Variants in ADGRG6 observed in about 807,000 individuals in gnomAD.
ADGRG6 encodes G-protein coupled receptor 126.
ADGRG6 carries 84 observed loss-of-function variants against 142.4 expected under a neutral mutation model. The ratio of observed to expected loss-of-function variants is 0.59; its 90% CI spans 0.49 to 0.71. The LOEUF (loss-of-function observed/expected upper bound fraction) is 0.71, where lower values mean the gene tolerates loss of function less well. Ranked by LOEUF, ADGRG6 falls within the 30% of genes least tolerant of loss-of-function variation. ADGRG6 has a pLI of 0.00. For synonymous variants in ADGRG6, 521 were observed against 520.5 expected (o/e 1.00, Z -0.01); for missense variants, 1,367 against 1,466.6 (o/e 0.93, Z 1.11).
chr6:142,331,887 A>G lies in ADGRG6; in HGVS notation c.103+22243A>G, dbSNP rs143874941. ...AACTTTTTTGTCTAGTCATTAGGCC[A>G]TCTTTTAGTGAGATGCAAATAAATG... On this transcript the variant is annotated intron_variant, in intron 2 of 24. Coordinates refer to ENST00000367609, the MANE Select transcript of ADGRG6 (RefSeq NM_198569.3). Among the ~76,000 whole-genome samples, 5 of 152,276 alleles carry G rather than the reference A, an allele frequency of 3.3e-5. No individual in the cohort carries two copies. The East Asian group carries it at 9.7e-4, about 29-fold the overall frequency.
rs368887363 is a variant in ADGRG6 at position 142,415,028 on chromosome 6, C to T, written c.2601C>T (p.Ile867=). The change falls in exon 19 of 25, where the codon ATC becomes ATT. Residue 867 remains isoleucine (I), a synonymous_variant. Coordinates refer to ENST00000367609, the MANE Select transcript of ADGRG6 (RefSeq NM_198569.3). The stretch of plus-strand genomic sequence containing the variant: ...GAAACACTAAAGTCCTCACTTTCAT[C>T]AGCTATATTGGGTGTGGAATATCTG... ...DARNTKVLTF[I]SYIGCGISAI... 4.2e-5 allele frequency: 67 copies of T among 1,610,780 alleles called. No homozygotes were observed. In the African/African-American group the frequency reaches 8.6e-4, roughly 21 times the overall value.
At chr6:142,392,876 T>C (rs1774972302) in intron 7 of ADGRG6, 72 bp from the exon 8 acceptor site, 1 of 992,154 alleles carries the variant, frequency 1.0e-6, no homozygotes, top group South Asian at 1.4e-5. Context: ...ACTTATGTTT[T>C]AGGTAGAAAC....
chr6:142,309,365 A>G (rs953814552), intron 1 of ADGRG6, among the ~76,000 whole-genome samples, 179 bp from the exon 2 acceptor site: 14 of 151,876 alleles, frequency 9.2e-5, no homozygotes, highest in East Asian at 1.9e-4. Flanking sequence ...TTCTTTTGCT[A>G]ATTAGCTTGA....
chr6:142,397,020 G>A (rs1775231516), intron 9 of ADGRG6, among the ~76,000 whole-genome samples: 1 of 152,048 alleles, frequency 6.6e-6, no homozygotes, highest in Non-Finnish European at 1.5e-5. Flanking sequence ...ACCAATCACA[G>A]AGTCGATTTT....
chr6:142,354,239 C>T (rs186784996), intron 2 of ADGRG6, among the ~76,000 whole-genome samples: 16 of 152,130 alleles, frequency 1.1e-4, no homozygotes, highest in Admixed American at 7.2e-4. Context: ...ATTAGCTGGG[C>T]GTGGTGGCAC....
At chr6:142,336,284 A>G (rs1180506643) in intron 2 of ADGRG6, among the ~76,000 whole-genome samples, 3 of 152,350 alleles carry the variant, frequency 2.0e-5, no homozygotes, top group Middle Eastern at 3.4e-3. Flanking sequence ...GGGCATGCTA[A>G]CATGGAACTT....
Position 142,409,943 on chromosome 6 carries a change from C to A in ADGRG6, c.2434+24C>A, listed in dbSNP as rs188816251. The A allele has an allele frequency of 4.0e-3, 4,773 of 1,189,206 alleles. 12 individuals are homozygous for A. The highest frequency in any genetic ancestry group is 5.0e-3 in the Non-Finnish European group (4,159 of 826,070). 73.7% of individuals were successfully genotyped at this position (1,189,206 alleles called of 1,614,324 possible). On this transcript the variant is annotated intron_variant, in intron 17 of 24. Coordinates refer to ENST00000367609, the MANE Select transcript of ADGRG6 (RefSeq NM_198569.3). Reference sequence around the variant, plus strand: ...CAGTAAGTTTTAAAATATTGGTTGTCTTAATATAGATAACAACTGAATTTT... The same window carrying A: ...CAGTAAGTTTTAAAATATTGGTTGTATTAATATAGATAACAACTGAATTTT...
intron 19 of ADGRG6, among the ~76,000 whole-genome samples, chr6:142,415,471 T>C (rs1361694487): frequency 1.3e-5 from 2 of 152,132 alleles, no homozygotes; most frequent in African/African-American, 4.8e-5. Flanking sequence ...TCAAATAATT[T>C]AGGGAAATTA....
At chr6:142,432,985 G>T (rs965266288) in intron 22 of ADGRG6, among the ~76,000 whole-genome samples, 2 of 152,126 alleles carry the variant, frequency 1.3e-5, no homozygotes, top group Non-Finnish European at 2.9e-5. Context: ...TAAATGTGAG[G>T]CCCTCTAACG....
intron 15 of ADGRG6, among the ~76,000 whole-genome samples, chr6:142,407,163 G>T (rs1467438919): frequency 8.3e-6 from 1 of 120,404 alleles, no homozygotes; most frequent in Non-Finnish European, 1.6e-5. Context: ...AGTGAGACCC[G>T]TCTCTTTAAA....
rs188313754 is a variant in ADGRG6 at position 142,334,381 on chromosome 6, C to G, written c.103+24737C>G. Among the ~76,000 whole-genome samples, 3 of 152,286 alleles carry G rather than the reference C, an allele frequency of 2.0e-5. No homozygotes were observed. The East Asian group carries it at 5.8e-4, about 29-fold the overall frequency. ...AGGGAATCCAGGCTATCTATACCAT[C>G]CTATGCCCCCTAAAACCATGAAGTG... On this transcript the variant is annotated intron_variant, in intron 2 of 24. Transcript: ENST00000367609.
intron 9 of ADGRG6, among the ~76,000 whole-genome samples, chr6:142,395,447 C>T (rs759611877): frequency 4.6e-5 from 7 of 152,162 alleles, no homozygotes; most frequent in South Asian, 2.1e-4. Context: ...CTTCTTCAGG[C>T]AGTCAGCGTC....
At chr6:142,438,869 G>A (rs566695115) in intron 24 of ADGRG6, among the ~76,000 whole-genome samples, 1 of 152,262 alleles carries the variant, frequency 6.6e-6, no homozygotes, top group East Asian at 1.9e-4. Context: ...TATTTAGAAA[G>A]TGACACAGGG....
At chr6:142,318,376 T>A (rs1193667856) in intron 2 of ADGRG6, among the ~76,000 whole-genome samples, 1 of 109,866 alleles carries the variant, frequency 9.1e-6, no homozygotes, top group Non-Finnish European at 1.7e-5. Context: ...TATATATATT[T>A]ATATATTTAT....
chr6:142,411,508 T>G, intron 18 of ADGRG6, 97 bp downstream of exon 18: 1 of 725,820 alleles, frequency 1.4e-6, no homozygotes, highest in East Asian at 2.5e-5. Flanking sequence ...TTTTGGGAAT[T>G]ATTTCCTGAT....
At chr6:142,318,048 T>A (rs1484222017) in intron 2 of ADGRG6, among the ~76,000 whole-genome samples, 1 of 13,384 alleles carries the variant, frequency 7.5e-5, no homozygotes, top group Non-Finnish European at 1.3e-4. Flanking sequence ...ATATTTATGT[T>A]ATATATATTT....
chr6:142,421,550 T>C lies in ADGRG6; in HGVS notation c.3319+1446T>C, dbSNP rs528302368. Reference sequence around the variant, plus strand: ...AATAAATATTGACAAAAGTATCCATTAACATTAGAAATTCCATGGTTTCAT... The same window carrying C: ...AATAAATATTGACAAAAGTATCCATCAACATTAGAAATTCCATGGTTTCAT... On this transcript the variant is annotated intron_variant, in intron 22 of 24. Coordinates refer to ENST00000367609, the MANE Select transcript of ADGRG6 (RefSeq NM_198569.3). 8.5e-5 allele frequency among the ~76,000 whole-genome samples: 13 copies of C among 152,324 alleles called. No homozygotes were observed. The South Asian group carries it at 2.3e-3, about 27-fold the overall frequency.
intron 2 of ADGRG6, among the ~76,000 whole-genome samples, chr6:142,352,537 G>A (rs1263873613): frequency 1.3e-5 from 2 of 152,020 alleles, no homozygotes; most frequent in Non-Finnish European, 2.9e-5. Flanking sequence ...TTTTGGTGAC[G>A]ATTTGTACCC....
chr6:142,355,199 AT>A (rs1391914522), intron 2 of ADGRG6, among the ~76,000 whole-genome samples: 2 of 150,394 alleles, frequency 1.3e-5, no homozygotes, highest in East Asian at 1.9e-4. Flanking sequence ...CTAAATTGGC[AT>A]TTTTTTTTGA....
Sources: allele counts gnomAD v4.1 joint callset (sites outside exome capture counted in the v4.1 genomes callset), GRCh38; gene constraint gnomAD v4.1.1; transcripts MANE v1.5; gene names NCBI Gene and HGNC (gene_info 2026-07-23, HGNC 2026-07-21).